POU2AF2: variants seen among roughly 807,000 people sequenced by gnomAD.
POU2AF2 encodes POU class 2 homeobox associating factor 2.
chr11:111,247,206 A>AGATG, the POU2AF2 span, among the ~76,000 whole-genome samples: 1 of 151,910 alleles, frequency 6.6e-6, no homozygotes, highest in Non-Finnish European at 1.5e-5. Flanking sequence ...AGAGAGAGAG[A>AGATG]GAGAGAGAGA....
the POU2AF2 span, among the ~76,000 whole-genome samples, chr11:111,252,738 A>G: frequency 6.6e-6 from 1 of 151,824 alleles, no homozygotes; most frequent in Middle Eastern, 3.2e-3. Flanking sequence ...CTCTTCAAAT[A>G]TTTTCAACTC....
chr11:111,265,123 G>A, the POU2AF2 span, among the ~76,000 whole-genome samples: 1 of 152,180 alleles, frequency 6.6e-6, no homozygotes, highest in South Asian at 2.1e-4. Flanking sequence ...ACAGGGGAAA[G>A]GAAGCAATTC....
the POU2AF2 span, among the ~76,000 whole-genome samples, chr11:111,247,189 CACAGAGAG>C: frequency 8.7e-5 from 3 of 34,404 alleles, no homozygotes; most frequent in African/African-American, 1.8e-4. Context: ...CATACACACA[CACAGAGAG>C]AGAGAGAGAG....
the POU2AF2 span, chr11:111,256,153 C>G: frequency 2.5e-6 from 1 of 398,744 alleles, no homozygotes; most frequent in South Asian, 1.3e-4. Context: ...TCCCTTTATC[C>G]ACACACCAAT....
chr11:111,283,012 T>C, the POU2AF2 span, among the ~76,000 whole-genome samples: 1 of 152,030 alleles, frequency 6.6e-6, no homozygotes, highest in African/African-American at 2.4e-5. Context: ...AATGAAGCTC[T>C]TATCAGTTTC....
the POU2AF2 span, chr11:111,285,825 C>A: frequency 6.2e-7 from 1 of 1,609,868 alleles, no homozygotes; most frequent in South Asian, 1.1e-5. Flanking sequence ...GGGGCTCAGT[C>A]ATACTCGCTG....
the POU2AF2 span, among the ~76,000 whole-genome samples, chr11:111,276,138 T>C: frequency 6.6e-6 from 1 of 151,934 alleles, no homozygotes. Context: ...ATGAACGACA[T>C]GAATCCCTAG....
the POU2AF2 span, among the ~76,000 whole-genome samples, chr11:111,274,727 C>G: frequency 6.6e-6 from 1 of 151,332 alleles, no homozygotes; most frequent in African/African-American, 2.4e-5. Context: ...CCCTAAGTCT[C>G]CATTATACTA....
chr11:111,265,786 A>C, the POU2AF2 span, among the ~76,000 whole-genome samples: 1 of 152,046 alleles, frequency 6.6e-6, no homozygotes, highest in Non-Finnish European at 1.5e-5. Context: ...CACTACTATT[A>C]ATTTTAATAT....
chr11:111,276,814 G>A, the POU2AF2 span, among the ~76,000 whole-genome samples: 1 of 148,434 alleles, frequency 6.7e-6, no homozygotes, highest in African/African-American at 2.5e-5. Flanking sequence ...CAAATACAAA[G>A]TCAAAACAAA....
chr11:111,267,702 T>C, the POU2AF2 span, among the ~76,000 whole-genome samples: 2 of 152,178 alleles, frequency 1.3e-5, no homozygotes, highest in Non-Finnish European at 2.9e-5. Flanking sequence ...TGACCTGCTG[T>C]CTCTGGTGAC....
chr11:111,251,822 C>T, the POU2AF2 span, among the ~76,000 whole-genome samples: 1 of 152,244 alleles, frequency 6.6e-6, no homozygotes, highest in African/African-American at 2.4e-5. Context: ...TATTTTGCAT[C>T]CCCTGTGGCA....
At chr11:111,273,808 G>A in the POU2AF2 span, among the ~76,000 whole-genome samples, 299 of 152,230 alleles carry the variant, frequency 2.0e-3, 2 homozygotes, top group African/African-American at 6.8e-3. Context: ...TTTCATGGAG[G>A]GGCTTTGGGG....
chr11:111,272,676 G>A, the POU2AF2 span, among the ~76,000 whole-genome samples: 1 of 152,098 alleles, frequency 6.6e-6, no homozygotes, highest in African/African-American at 2.4e-5. Flanking sequence ...CTGTTTTTGC[G>A]ATGAAACTGT....
the POU2AF2 span, among the ~76,000 whole-genome samples, chr11:111,253,219 C>G: frequency 0.032 from 4,866 of 152,192 alleles, 96 homozygotes; most frequent in Middle Eastern, 0.061. Flanking sequence ...TCATTTAGTC[C>G]ACAGCTTCCA....
the POU2AF2 span, among the ~76,000 whole-genome samples, chr11:111,254,207 G>A: frequency 1.3e-5 from 2 of 152,094 alleles, no homozygotes; most frequent in African/African-American, 4.8e-5. Flanking sequence ...AGATTCCTTT[G>A]GAACAATCAT....
the POU2AF2 span, among the ~76,000 whole-genome samples, chr11:111,259,646 G>A: frequency 6.6e-6 from 1 of 152,280 alleles, no homozygotes; most frequent in East Asian, 1.9e-4. Flanking sequence ...AATGGCCAAA[G>A]GGGACTAGAA....
the POU2AF2 span, among the ~76,000 whole-genome samples, chr11:111,265,520 A>C: frequency 5.3e-5 from 8 of 152,166 alleles, no homozygotes; most frequent in Non-Finnish European, 1.2e-4. Flanking sequence ...GTTTCCTCCT[A>C]TGTAAATGGG....
the POU2AF2 span, among the ~76,000 whole-genome samples, chr11:111,251,364 G>C: frequency 2.6e-5 from 4 of 152,136 alleles, no homozygotes; most frequent in African/African-American, 9.7e-5. Context: ...AAAAGTTTCA[G>C]ATAAAACAAA....
Sources: allele counts gnomAD v4.1 joint callset (sites outside exome capture counted in the v4.1 genomes callset), GRCh38; gene constraint gnomAD v4.1.1; transcripts MANE v1.5; gene names NCBI Gene and HGNC (gene_info 2026-07-23, HGNC 2026-07-21).